Variants in EYA2 observed in about 807,000 individuals in gnomAD.
The protein encoded by EYA2 is EYA transcriptional coactivator and phosphatase 2, also known as protein phosphatase EYA2.
EYA2 carries 31 observed loss-of-function variants against 69.2 expected under a neutral mutation model. That is an observed-to-expected ratio of 0.45 (90% CI 0.34 to 0.60). The LOEUF (loss-of-function observed/expected upper bound fraction) is 0.60. Ranked by LOEUF, EYA2 falls within the 20% of genes least tolerant of loss-of-function variation. EYA2 has a pLI of 0.02. For synonymous variants in EYA2, 257 were observed against 279.4 expected (o/e 0.92, Z 0.80); for missense variants, 622 against 701.2 (o/e 0.89, Z 1.28).
At chr20:47,101,838 A>T (rs1171440683) in intron 9 of EYA2, among the ~76,000 whole-genome samples, 3 of 152,154 alleles carry the variant, frequency 2.0e-5, no homozygotes, top group Non-Finnish European at 4.4e-5. Flanking sequence ...AGACCTACAG[A>T]AGTTGTGTAG....
intron 4 of EYA2, among the ~76,000 whole-genome samples, chr20:47,014,837 T>C (rs1983314511): frequency 6.6e-6 from 1 of 152,050 alleles, no homozygotes. Flanking sequence ...TCATAAAATC[T>C]CAAAACCACC....
chr20:47,119,187 G>A (rs76041503), intron 9 of EYA2, among the ~76,000 whole-genome samples: 22 of 152,130 alleles, frequency 1.4e-4, no homozygotes, highest in East Asian at 3.9e-4. Flanking sequence ...TTCTTCCAGC[G>A]TCCAAAGATT....
chr20:46,895,757 C>A (rs565085449), intron 1 of EYA2, among the ~76,000 whole-genome samples: 22 of 152,196 alleles, frequency 1.4e-4, no homozygotes, highest in Non-Finnish European at 1.5e-4. Context: ...GCCTGCCTCC[C>A]CCCCAGCAAT....
chr20:47,040,097 A>T (rs925670349), intron 5 of EYA2, among the ~76,000 whole-genome samples: 1 of 151,798 alleles, frequency 6.6e-6, no homozygotes, highest in Non-Finnish European at 1.5e-5. Flanking sequence ...CACCTCGGCC[A>T]CCCAAAGTGC....
At chr20:47,009,754 C>A (rs542536265) in intron 4 of EYA2, among the ~76,000 whole-genome samples, 1 of 152,188 alleles carries the variant, frequency 6.6e-6, no homozygotes. Context: ...AAAGCATAAA[C>A]GAATGGGCTG....
intron 9 of EYA2, among the ~76,000 whole-genome samples, chr20:47,124,922 A>G (rs2033140911): frequency 6.6e-6 from 1 of 152,114 alleles, no homozygotes; most frequent in East Asian, 1.9e-4. Context: ...CAAAACCCCA[A>G]AAGAGGAACC....
intron 12 of EYA2, among the ~76,000 whole-genome samples, chr20:47,177,099 C>T (rs2146665386): frequency 6.6e-6 from 1 of 151,674 alleles, no homozygotes; most frequent in South Asian, 2.1e-4. Context: ...TGCCTGGCCC[C>T]TTCTATCTTT....
In EYA2 at chr20:47,089,400, G is replaced by T; in HGVS notation, c.804+19G>T. On this transcript the variant is annotated intron_variant, in intron 8 of 15. Transcript: ENST00000327619. ...GATTGAGGTAATCCAAAGGGGCTCT[G>T]TGTGACCTGGTGAATGTAATCTCCA... 1.2e-6 allele frequency: 2 copies of T among 1,600,210 alleles called. No homozygotes were observed. Among genetic ancestry groups the T allele is most frequent in the Non-Finnish European group, 8.5e-7 (1 of 1,172,856 alleles).
At chr20:46,954,648 C>T (rs1181020755) in intron 1 of EYA2, among the ~76,000 whole-genome samples, 5 of 152,214 alleles carry the variant, frequency 3.3e-5, no homozygotes, top group Non-Finnish European at 7.3e-5. Flanking sequence ...ACAGATGCTC[C>T]TTCCTTTCAG....
intron 2 of EYA2, among the ~76,000 whole-genome samples, chr20:46,992,053 G>A (rs193106607): frequency 4.0e-5 from 6 of 150,386 alleles, no homozygotes; most frequent in Admixed American, 2.6e-4. Flanking sequence ...GGAGCTGAGA[G>A]GCTGCTGTCC....
chr20:46,903,837 T>G (rs1268212241), intron 1 of EYA2, among the ~76,000 whole-genome samples: 1 of 152,172 alleles, frequency 6.6e-6, no homozygotes, highest in East Asian at 1.9e-4. Flanking sequence ...ATAATAATAG[T>G]AACAACAATA....
rs1339545067 is a variant in EYA2 at position 47,063,390 on chromosome 20, TGC to T, written c.416-8793_416-8792del. Among the ~76,000 whole-genome samples, 776 of 114,138 alleles carry T rather than the reference TGC, an allele frequency of 6.8e-3. 2 individuals carry two copies. Among genetic ancestry groups the T allele is most frequent in the African/African-American group, 0.016 (427 of 26,624 alleles). 74.9% of individuals were successfully genotyped at this position (114,138 alleles called of 152,430 possible). A position where few individuals can be genotyped will look rare whatever the true frequency, so the allele number is the denominator to read the frequency against. ...GGGTTTATTTGTGTGTGTGTGCGTG[TGC>T]GTGTGTGTGTGTGTGTGTGTGTGTG... On this transcript the variant is annotated intron_variant, in intron 5 of 15. Transcript: ENST00000327619.
chr20:47,156,959 C>T (rs1028561711), intron 10 of EYA2, among the ~76,000 whole-genome samples: 44 of 151,946 alleles, frequency 2.9e-4, no homozygotes, highest in African/African-American at 1.1e-3. Context: ...CAAACCACAG[C>T]AGGAGAGTTT....
At chr20:47,113,368 C>G (rs575581542) in intron 9 of EYA2, among the ~76,000 whole-genome samples, 1 of 152,280 alleles carries the variant, frequency 6.6e-6, no homozygotes, top group African/African-American at 2.4e-5. Context: ...GCTTCAGTCC[C>G]AGGAGAGAGG....
At chr20:46,940,290 C>T (rs746359358) in intron 1 of EYA2, among the ~76,000 whole-genome samples, 3 of 152,212 alleles carry the variant, frequency 2.0e-5, no homozygotes, top group Non-Finnish European at 2.9e-5. Context: ...CACACATCAA[C>T]TCACATAATA....
intron 5 of EYA2, among the ~76,000 whole-genome samples, chr20:47,049,983 G>T (rs1333199279): frequency 6.6e-6 from 1 of 151,904 alleles, no homozygotes; most frequent in Non-Finnish European, 1.5e-5. Context: ...CTGGTGATTA[G>T]CTTGAGGTTG....
At chr20:46,928,333 T>G (rs1447499600) in intron 1 of EYA2, among the ~76,000 whole-genome samples, 1 of 152,228 alleles carries the variant, frequency 6.6e-6, no homozygotes, top group Non-Finnish European at 1.5e-5. Context: ...CTTTGGCCAC[T>G]CTTAAGCTTC....
chr20:47,073,494 T>TGGGG (rs71183228), intron 6 of EYA2, among the ~76,000 whole-genome samples: 7 of 121,578 alleles, frequency 5.8e-5, no homozygotes, highest in African/African-American at 2.5e-4. Flanking sequence ...GTGTGTGTCG[T>TGGGG]GGGGGGGGGG....
chr20:46,903,913 C>G (rs1385566582), intron 1 of EYA2, among the ~76,000 whole-genome samples: 1 of 152,224 alleles, frequency 6.6e-6, no homozygotes, highest in Non-Finnish European at 1.5e-5. Context: ...AAACACTTAG[C>G]TTTGCTACAC....
Sources: allele counts gnomAD v4.1 joint callset (sites outside exome capture counted in the v4.1 genomes callset), GRCh38; gene constraint gnomAD v4.1.1; transcripts MANE v1.5; gene names NCBI Gene and HGNC (gene_info 2026-07-23, HGNC 2026-07-21).